The following ATE1 variants were observed in gnomAD, a reference collection of about 807,000 sequenced individuals.
ATE1 encodes the protein arginyltransferase 1.
ATE1 carries 36 observed loss-of-function variants against 70.5 expected under a neutral mutation model. The observed-to-expected ratio is 0.51, with a 90% CI of 0.39 to 0.67. ATE1 has a LOEUF of 0.67. Among genes scored for constraint, ATE1 ranks in the 30% least tolerant of loss-of-function variants. The probability of loss-of-function intolerance (pLI) is 0.00; values close to 1 mark genes in which losing one functional copy is unlikely to be tolerated. For missense variants in ATE1, 593 were observed against 629.5 expected (o/e 0.94, Z 0.62); for synonymous variants, 232 against 219.3 (o/e 1.06, Z -0.51).
rs1696834 is a variant in ATE1 at position 121,741,655 on chromosome 10, C to G, written c.*2025G>C. The G allele has an allele frequency of 0.97, 147,092 of 152,292 alleles. 71,217 individuals are homozygous for G. The highest frequency in any genetic ancestry group is 1 in the East Asian group (5,174 of 5,174). 9.4% of individuals were successfully genotyped at this position (152,292 alleles called of 1,614,324 possible). ...CCAAGTTGGACATTCAAATGCTAAG[C>G]GAGCCAAGTACCAGCCCTACCCTGC... On this transcript the variant is annotated 3_prime_UTR_variant, in exon 12 of 12. Coordinates refer to ENST00000224652, the MANE Select transcript of ATE1 (RefSeq NM_001001976.3).
At chr10:121,923,747 T>C (rs1951972632) in intron 2 of ATE1, among the ~76,000 whole-genome samples, 1 of 152,184 alleles carries the variant, frequency 6.6e-6, no homozygotes, top group South Asian at 2.1e-4. Flanking sequence ...AAGGAAATCC[T>C]TATCCAAATA....
chr10:121,886,308 A>AC lies in ATE1; in HGVS notation c.942+13557dup, dbSNP rs397800497. On this transcript the variant is annotated intron_variant, in intron 7 of 11. Coordinates refer to ENST00000224652, the MANE Select transcript of ATE1 (RefSeq NM_001001976.3). ...CATTGATGATTTAAAAAAAAAAAAA[A>AC]CCCACCTCCTGGCCAGGGCTACTGT... 6.1e-5 allele frequency among the ~76,000 whole-genome samples: 9 copies of AC among 148,542 alleles called. No homozygotes were observed. The East Asian group carries it at 1.8e-3, about 29-fold the overall frequency.
At chr10:121,912,125 C>T (rs1951462232) in intron 4 of ATE1, among the ~76,000 whole-genome samples, 1 of 152,024 alleles carries the variant, frequency 6.6e-6, no homozygotes, top group South Asian at 2.1e-4. Context: ...CTCCTGACCT[C>T]GTGATCCGCC....
intron 8 of ATE1, among the ~76,000 whole-genome samples, chr10:121,864,012 C>G (rs899166081): frequency 2.0e-5 from 3 of 152,154 alleles, no homozygotes; most frequent in Non-Finnish European, 4.4e-5. Flanking sequence ...TTTTATCTAG[C>G]CTGACAATCT....
chr10:121,778,836 CA>C (rs1472325155), intron 11 of ATE1, among the ~76,000 whole-genome samples: 1 of 152,040 alleles, frequency 6.6e-6, no homozygotes, highest in Admixed American at 6.6e-5. Flanking sequence ...CTCCTGACCT[CA>C]AGTGATCCGC....
intron 7 of ATE1, among the ~76,000 whole-genome samples, chr10:121,889,061 T>C (rs1474959757): frequency 6.6e-6 from 1 of 152,132 alleles, no homozygotes; most frequent in Non-Finnish European, 1.5e-5. Flanking sequence ...GCATCCAGTC[T>C]GGAGTTCAGT....
At chr10:121,825,371 T>A (rs75509844) in intron 10 of ATE1, among the ~76,000 whole-genome samples, 4,993 of 152,206 alleles carry the variant, frequency 0.033, 157 homozygotes, top group African/African-American at 0.082. Context: ...ATATTTCATA[T>A]CTCAGTTTAA....
intron 11 of ATE1, among the ~76,000 whole-genome samples, chr10:121,757,875 T>C (rs1339250156): frequency 6.6e-6 from 1 of 152,236 alleles, no homozygotes; most frequent in African/African-American, 2.4e-5. Flanking sequence ...TTCCCTCATA[T>C]TTGTGTGTAT....
At chr10:121,789,572 T>C (rs1276209812) in intron 11 of ATE1, among the ~76,000 whole-genome samples, 2 of 152,086 alleles carry the variant, frequency 1.3e-5, no homozygotes, top group African/African-American at 4.8e-5. Context: ...GTGCTGGGAT[T>C]ATAGGTGTGA....
intron 4 of ATE1, 25 bp downstream of exon 4, chr10:121,913,765 C>G (rs570324689): frequency 6.6e-7 from 1 of 1,511,238 alleles, no homozygotes; most frequent in South Asian, 1.2e-5. Context: ...GATAGTAAAT[C>G]GTTTTTAGAC....
At chr10:121,858,818 G>A (rs1050492297) in intron 8 of ATE1, among the ~76,000 whole-genome samples, 4 of 151,752 alleles carry the variant, frequency 2.6e-5, no homozygotes, top group East Asian at 1.9e-4. Context: ...TGTAAGGGCC[G>A]GGCGCGGTGG....
intron 8 of ATE1, among the ~76,000 whole-genome samples, chr10:121,850,861 GT>G (rs1949025090): frequency 6.6e-6 from 1 of 151,770 alleles, no homozygotes; most frequent in Admixed American, 6.6e-5. Context: ...GGAGGCCAAG[GT>G]GGGTGGATCA....
At chr10:121,913,194 A>G (rs1334127509) in intron 4 of ATE1, among the ~76,000 whole-genome samples, 1 of 152,198 alleles carries the variant, frequency 6.6e-6, no homozygotes, top group Non-Finnish European at 1.5e-5. Context: ...ATGAAAATTT[A>G]AAGAAATAAA....
At chr10:121,778,615 C>T (rs1945847237) in intron 11 of ATE1, among the ~76,000 whole-genome samples, 2 of 134,456 alleles carry the variant, frequency 1.5e-5, no homozygotes, top group South Asian at 4.9e-4. Flanking sequence ...CCTGCTCTGT[C>T]GCCCAGGCTG....
chr10:121,870,076 A>T (rs368623282), intron 7 of ATE1, 38 bp from the exon 8 acceptor site: 2 of 1,592,228 alleles, frequency 1.3e-6, no homozygotes, highest in African/African-American at 2.7e-5. Flanking sequence ...TTCATCCAGT[A>T]AACAGACGGC....
intron 11 of ATE1, among the ~76,000 whole-genome samples, chr10:121,775,335 G>A (rs564382083): frequency 6.6e-6 from 1 of 152,166 alleles, no homozygotes; most frequent in African/African-American, 2.4e-5. Flanking sequence ...GGCAAGGGGA[G>A]GGAGAGCATT....
In ATE1 at chr10:121,821,627, T is replaced by A. The variant is rs533463906; in HGVS notation, c.1257+15091A>T. Among the ~76,000 whole-genome samples, 9 of 152,306 alleles carry A rather than the reference T, an allele frequency of 5.9e-5. No individual in the cohort carries two copies. In the East Asian group the frequency reaches 1.5e-3, roughly 26 times the overall value. On this transcript the variant is annotated intron_variant, in intron 10 of 11. Transcript: ENST00000224652. ...CAGGCCCGGTGGCTCACGCCTGTAA[T>A]CCCAGCACTTTAGGAGGCTGAGGCA...
chr10:121,797,591 A>T (rs1437958496), intron 10 of ATE1, among the ~76,000 whole-genome samples: 1 of 1,566 alleles, frequency 6.4e-4, no homozygotes, highest in Non-Finnish European at 0.013. Context: ...AGTGGGAGTA[A>T]AAAAAAAAAA....
Position 121,789,313 on chromosome 10 carries a change from T to TTTTTG in ATE1, c.1378+855_1378+856insCAAAA, listed in dbSNP as rs1946338905. Among the ~76,000 whole-genome samples the TTTTTG allele has an allele frequency of 1.3e-5, 2 of 148,556 alleles. 1 individual carries two copies. The highest frequency in any genetic ancestry group is 3.0e-5 in the Non-Finnish European group (2 of 67,236). ...GGGCTATGCTTTTTTTTTTTTTTTT[T>TTTTTG]TTTGAGACAGAGTCTTACACTGTCG... On this transcript the variant is annotated intron_variant, in intron 11 of 11. Transcript: ENST00000224652.
Sources: gnomAD v4.1 joint callset for allele counts (sites outside exome capture counted in the v4.1 genomes callset) on GRCh38, gnomAD v4.1.1 for gene constraint, MANE v1.5 for transcripts, NCBI Gene and HGNC (gene_info 2026-07-23, HGNC 2026-07-21) for gene names.